Variants in DAAM2 observed in about 807,000 individuals in gnomAD.
The protein encoded by DAAM2 is disheveled-associated activator of morphogenesis 2.
In DAAM2, 39 loss-of-function variants were observed where a neutral mutation model predicts 120.7. That is an observed-to-expected ratio of 0.32 (90% CI 0.25 to 0.42). DAAM2 has a LOEUF of 0.42. DAAM2 is among the 10% of genes least tolerant of loss of function. The pLI, the probability that DAAM2 is intolerant of heterozygous loss-of-function variation, is 1.00. For missense variants in DAAM2, 1,283 were observed against 1,401.7 expected, an observed-to-expected ratio of 0.92 and a Z score of 1.35; for synonymous variants, 488 against 524.9, an observed-to-expected ratio of 0.93 and a Z score of 0.96.
chr6:39,819,529 G>A lies in DAAM2; in HGVS notation c.-57+27064G>A, dbSNP rs188037712. On this transcript the variant is annotated intron_variant, in intron 1 of 24. Coordinates refer to ENST00000274867, the MANE Select transcript of DAAM2 (RefSeq NM_001201427.2). ...CTCAAACAATAAGAATTACTATCAT[G>A]AGCTGCCTGACTCCACAAGATTTTA... 5.8e-4 allele frequency: 88 copies of A among 152,256 alleles called. 2 individuals carry two copies. The highest frequency in any genetic ancestry group is 4.8e-3 in the Admixed American group (73 of 15,306). The allele number at this position is 152,256 out of a possible 1,614,324, so 9.4% of individuals were successfully genotyped here.
At chr6:39,868,989 A>AGT in intron 7 of DAAM2, 56 bp downstream of exon 7, 1 of 1,210,514 alleles carries the variant, frequency 8.3e-7, no homozygotes, top group African/African-American at 1.5e-5. Flanking sequence ...CCTGGGGTAG[A>AGT]GTGTGTGAGT....
intron 1 of DAAM2, among the ~76,000 whole-genome samples, chr6:39,818,194 A>C (rs1039167589): frequency 6.8e-6 from 1 of 146,332 alleles, no homozygotes; most frequent in Non-Finnish European, 1.5e-5. Flanking sequence ...AAAAAAAAAA[A>C]AAAAAAAAAA....
At chr6:39,810,847 G>A (rs370552397) in intron 1 of DAAM2, among the ~76,000 whole-genome samples, 4 of 152,232 alleles carry the variant, frequency 2.6e-5, no homozygotes, top group Non-Finnish European at 4.4e-5. Flanking sequence ...CATCCTGTCC[G>A]AGGCTCTGCT....
Position 39,856,462 on chromosome 6 carries a change from G to T in DAAM2, c.160G>T (p.Glu54Ter). Residue 54 changes from glutamate to a stop codon, truncating the protein, a stop_gained, in exon 2 of 25, where the codon GAG becomes TAG. Coordinates refer to ENST00000274867, the MANE Select transcript of DAAM2 (RefSeq NM_001201427.2). LOFTEE classifies it high-confidence loss of function. The part of the protein sequence containing the change: ...NAEELNIRFA[E>*]LVDELDLTDK... The stretch of plus-strand genomic sequence containing the variant: ...AGAGGAGCTCAACATCCGCTTTGCA[G>T]AGCTGGTGGTCAGTGAGAGGGTGGG... 6.8e-7 allele frequency: 1 copy of T among 1,460,298 alleles called. No individual in the cohort carries two copies. 90.5% of individuals were successfully genotyped at this position (1,460,298 alleles called of 1,614,324 possible).
chr6:39,840,427 G>A (rs900532720), intron 1 of DAAM2, among the ~76,000 whole-genome samples: 3 of 152,122 alleles, frequency 2.0e-5, no homozygotes, highest in Admixed American at 6.5e-5. Context: ...TAAAATACCT[G>A]GCATATAGCA....
intron 1 of DAAM2, among the ~76,000 whole-genome samples, chr6:39,838,115 A>G (rs190943891): frequency 1.4e-4 from 22 of 152,350 alleles, no homozygotes; most frequent in Non-Finnish European, 2.6e-4. Context: ...TTGGTTAAGC[A>G]TGTCTGGGCT....
chr6:39,900,452 T>G (rs1766411177), intron 23 of DAAM2, among the ~76,000 whole-genome samples: 1 of 152,224 alleles, frequency 6.6e-6, no homozygotes, highest in African/African-American at 2.4e-5. Context: ...ACCTACCTTA[T>G]GGGTTTGTTG....
At chr6:39,882,545 C>T (rs1034117172) in intron 14 of DAAM2, among the ~76,000 whole-genome samples, 5 of 151,996 alleles carry the variant, frequency 3.3e-5, no homozygotes, top group Non-Finnish European at 7.4e-5. Flanking sequence ...GGGAGGCCTC[C>T]CTGCAGATCA....
intron 1 of DAAM2, among the ~76,000 whole-genome samples, chr6:39,801,359 C>A (rs1054014829): frequency 6.6e-6 from 1 of 152,134 alleles, no homozygotes; most frequent in Admixed American, 6.5e-5. Context: ...TGTTCCCCAA[C>A]CCCATGCTAA....
chr6:39,860,650 C>A (rs1764172789), intron 2 of DAAM2, among the ~76,000 whole-genome samples: 1 of 152,098 alleles, frequency 6.6e-6, no homozygotes, highest in Non-Finnish European at 1.5e-5. Context: ...AACAGGGTGA[C>A]CTGAAGCAGG....
chr6:39,893,147 A>G (rs1239383284), intron 19 of DAAM2, among the ~76,000 whole-genome samples: 1 of 152,248 alleles, frequency 6.6e-6, no homozygotes, highest in Non-Finnish European at 1.5e-5. Flanking sequence ...TGCCATTTGG[A>G]GATTTGGAAC....
At chr6:39,858,755 C>G (rs894656827) in intron 2 of DAAM2, among the ~76,000 whole-genome samples, 1 of 152,076 alleles carries the variant, frequency 6.6e-6, no homozygotes, top group Non-Finnish European at 1.5e-5. Flanking sequence ...GTCTGGAGCT[C>G]AGGAAACTGT....
At chr6:39,863,010 G>A (rs1764278804) in intron 3 of DAAM2, among the ~76,000 whole-genome samples, 1 of 151,782 alleles carries the variant, frequency 6.6e-6, no homozygotes, top group Non-Finnish European at 1.5e-5. Flanking sequence ...GACCACTCAC[G>A]CCAACCCCCT....
intron 5 of DAAM2, 174 bp from the exon 6 acceptor site, chr6:39,867,336 A>C (rs1209820348): frequency 3.2e-6 from 2 of 616,784 alleles, no homozygotes; most frequent in African/African-American, 3.7e-5. Flanking sequence ...ATAAGACACA[A>C]GTCTTTTGTG....
chr6:39,890,382 T>C (rs1196684057), intron 17 of DAAM2, among the ~76,000 whole-genome samples: 1 of 152,178 alleles, frequency 6.6e-6, no homozygotes, highest in Non-Finnish European at 1.5e-5. Context: ...ACAACCCAAC[T>C]GTCCATCAAT....
intron 1 of DAAM2, among the ~76,000 whole-genome samples, chr6:39,827,758 G>A (rs1256815091): frequency 6.6e-6 from 1 of 152,144 alleles, no homozygotes; most frequent in African/African-American, 2.4e-5. Context: ...TGGACCAAAG[G>A]GGAATCTGGA....
At chr6:39,820,547 G>C (rs1762455627) in intron 1 of DAAM2, 1 of 152,112 alleles carries the variant, frequency 6.6e-6, no homozygotes, top group Non-Finnish European at 1.5e-5. Flanking sequence ...ATTGGAGTGA[G>C]AGATAGAAGG....
chr6:39,858,060 CA>C (rs1764076531), intron 2 of DAAM2, among the ~76,000 whole-genome samples: 1 of 151,836 alleles, frequency 6.6e-6, no homozygotes, highest in Non-Finnish European at 1.5e-5. Context: ...ATGATTAGAT[CA>C]GTGAATGAGG....
chr6:39,849,069 G>A (rs1016249967), intron 1 of DAAM2: 3 of 152,198 alleles, frequency 2.0e-5, no homozygotes, highest in Non-Finnish European at 2.9e-5. Flanking sequence ...TATGAAATCG[G>A]TGTTTCTGTG....
Sources: allele counts gnomAD v4.1 joint callset (sites outside exome capture counted in the v4.1 genomes callset), GRCh38; gene constraint gnomAD v4.1.1; transcripts MANE v1.5; gene names NCBI Gene and HGNC (gene_info 2026-07-23, HGNC 2026-07-21).